MEIS2: variants seen among roughly 807,000 people sequenced by gnomAD.
MEIS2 encodes the protein Meis homeobox 2.
Under a neutral mutation model 58.6 loss-of-function variants are expected in MEIS2, and 9 were observed. The observed-to-expected ratio is 0.15, with a 90% confidence interval of 0.09 to 0.27. The LOEUF is 0.27. Ranked by LOEUF, MEIS2 falls within the 10% of genes least tolerant of loss-of-function variation. The pLI, the probability that MEIS2 is intolerant of heterozygous loss-of-function variation, is 1.00. For missense variants in MEIS2, 427 were observed against 635.0 expected, an observed-to-expected ratio of 0.67 and a Z score of 3.52; for synonymous variants, 221 against 228.4, an observed-to-expected ratio of 0.97 and a Z score of 0.29.
intron 8 of MEIS2, among the ~76,000 whole-genome samples, chr15:37,004,790 C>A (rs1385651018): frequency 1.3e-5 from 2 of 152,156 alleles, no homozygotes; most frequent in Admixed American, 6.5e-5. Context: ...CACTACATGG[C>A]AGATAATGTT....
chr15:36,966,742 G>T (rs2059371653), intron 8 of MEIS2, among the ~76,000 whole-genome samples: 1 of 152,300 alleles, frequency 6.6e-6, no homozygotes, highest in South Asian at 2.1e-4. Flanking sequence ...GAATCTCTCT[G>T]GGGGTAACAA....
chr15:36,926,385 C>A (rs1398559539), intron 9 of MEIS2, among the ~76,000 whole-genome samples: 1 of 150,574 alleles, frequency 6.6e-6, no homozygotes, highest in African/African-American at 2.4e-5. Flanking sequence ...TCTCTCTTCA[C>A]ATTAAAACTG....
chr15:36,923,297 CTGA>C (rs964054502), intron 9 of MEIS2, among the ~76,000 whole-genome samples: 2 of 151,696 alleles, frequency 1.3e-5, no homozygotes, highest in African/African-American at 2.4e-5. Context: ...CTTATTCTTT[CTGA>C]TGATATCATC....
At chr15:37,100,892 T>G (rs1188311319), upstream of MEIS2, 2 of 151,420 alleles carry the variant, frequency 1.3e-5, no homozygotes, top group African/African-American at 4.9e-5. Context: ...AAAAACTTAC[T>G]TCTAGTTCAT....
chr15:36,919,654 G>C (rs541639866), intron 9 of MEIS2, among the ~76,000 whole-genome samples: 1 of 151,890 alleles, frequency 6.6e-6, no homozygotes, highest in Non-Finnish European at 1.5e-5. Flanking sequence ...TTAGTGGCTA[G>C]TTTATGTGTA....
In MEIS2 at chr15:36,891,614, G is replaced by A. The variant is rs2055860405; in HGVS notation, c.*559C>T. On this transcript the variant is annotated 3_prime_UTR_variant, in exon 12 of 12. Transcript: ENST00000561208. ...TTTGAAACTAAAGGACACATTTATG[G>A]AGGAACAAAGGCCGGGCATGAAAAC... 1 of 155,258 alleles carries A rather than the reference G, an allele frequency of 6.4e-6. No individual in the cohort carries two copies. Among genetic ancestry groups the A allele is most frequent in the Admixed American group, 6.3e-5 (1 of 15,898 alleles). 9.6% of individuals were successfully genotyped at this position (155,258 alleles called of 1,614,324 possible).
At chr15:36,909,256 C>G (rs2056888515) in intron 9 of MEIS2, among the ~76,000 whole-genome samples, 1 of 152,012 alleles carries the variant, frequency 6.6e-6, no homozygotes, top group Admixed American at 6.6e-5. Context: ...ATGCCCAACA[C>G]AGTACTTATT....
Position 36,923,615 on chromosome 15 carries a change from C to A in MEIS2, c.977+26709G>T, listed in dbSNP as rs981882954. On this transcript the variant is annotated intron_variant, in intron 9 of 11. Transcript: ENST00000561208. ...TGGTAGATCACCACTAGCTGAGATT[C>A]TTTAGTATGACCAGGAAGCATGTTG... Among the ~76,000 whole-genome samples, 3 of 152,290 alleles carry A rather than the reference C, an allele frequency of 2.0e-5. No individual in the cohort carries two copies. In the East Asian group the frequency reaches 5.8e-4, roughly 29 times the overall value.
At chr15:36,952,625 G>C (rs1166909577) in intron 8 of MEIS2, among the ~76,000 whole-genome samples, 25 of 151,544 alleles carry the variant, frequency 1.6e-4, no homozygotes, top group Admixed American at 6.6e-4. Context: ...GTGTGTGTGT[G>C]TGTGTGTGTG....
chr15:37,001,897 A>G (rs1054545347), intron 8 of MEIS2, among the ~76,000 whole-genome samples: 3 of 152,212 alleles, frequency 2.0e-5, no homozygotes, highest in African/African-American at 7.2e-5. Flanking sequence ...TAGATTTGCC[A>G]TACGTGCCAC....
intron 8 of MEIS2, among the ~76,000 whole-genome samples, chr15:36,961,950 C>CA (rs2059197343): frequency 1.3e-5 from 2 of 151,876 alleles, no homozygotes; most frequent in East Asian, 1.9e-4. Flanking sequence ...TCTGTATTTG[C>CA]AAAAAAATAT....
intron 9 of MEIS2, among the ~76,000 whole-genome samples, chr15:36,940,471 G>T (rs1451083149): frequency 6.6e-6 from 1 of 151,962 alleles, no homozygotes; most frequent in Non-Finnish European, 1.5e-5. Flanking sequence ...TTTTTAATTG[G>T]TATCACTTTG....
chr15:36,995,746 G>A (rs199783609), intron 8 of MEIS2, among the ~76,000 whole-genome samples: 2,496 of 15,612 alleles, frequency 0.16, no homozygotes, highest in Middle Eastern at 0.25. Context: ...GAAAAGAAAA[G>A]AAAGAAAGAA....
chr15:36,892,373 TCTGGGGA>T lies in MEIS2; in HGVS notation c.1227_1233del (p.Pro410Ter). 1 of 1,614,016 alleles carries T rather than the reference TCTGGGGA, an allele frequency of 6.2e-7. No individual in the cohort carries two copies. Among genetic ancestry groups the T allele is most frequent in the Non-Finnish European group, 8.5e-7 (1 of 1,179,980 alleles). On this transcript the variant is annotated frameshift_variant, in exon 12 of 12. Transcript: ENST00000561208. LOFTEE classifies it high-confidence loss of function. ...CTTAATTGAGTAGGGTGTGGGGTCA[TCTGGGGA>T]GGAGTGTAACTTGGCTGTGCCATAC...
chr15:36,968,006 T>C (rs2059412156), intron 8 of MEIS2, among the ~76,000 whole-genome samples: 1 of 152,170 alleles, frequency 6.6e-6, no homozygotes, highest in Non-Finnish European at 1.5e-5. Flanking sequence ...AAGAGTGTGG[T>C]GTCACAAAGT....
intron 9 of MEIS2, among the ~76,000 whole-genome samples, chr15:36,913,640 G>A (rs1040853576): frequency 6.6e-6 from 1 of 152,016 alleles, no homozygotes; most frequent in Non-Finnish European, 1.5e-5. Flanking sequence ...ATGCCTACAT[G>A]CACATACATT....
At chr15:37,081,768 C>A (rs929089834) in intron 7 of MEIS2, among the ~76,000 whole-genome samples, 2 of 151,982 alleles carry the variant, frequency 1.3e-5, no homozygotes, top group African/African-American at 4.8e-5. Context: ...TCTTTAATCC[C>A]GCAGAGACAT....
chr15:36,911,091 A>G (rs115064442), intron 9 of MEIS2, among the ~76,000 whole-genome samples: 1,763 of 150,446 alleles, frequency 0.012, 28 homozygotes, highest in African/African-American at 0.041. Flanking sequence ...AGGTAATTTG[A>G]TTATTAGGGA....
At chr15:37,062,414 C>A (rs1889337438) in intron 7 of MEIS2, among the ~76,000 whole-genome samples, 1 of 152,076 alleles carries the variant, frequency 6.6e-6, no homozygotes, top group African/African-American at 2.4e-5. Context: ...CAGTAGAAAT[C>A]AATAAAGTTT....
Sources: gnomAD v4.1 joint callset for allele counts (sites outside exome capture counted in the v4.1 genomes callset) on GRCh38, gnomAD v4.1.1 for gene constraint, MANE v1.5 for transcripts, NCBI Gene and HGNC (gene_info 2026-07-23, HGNC 2026-07-21) for gene names.